ST7: variants seen among roughly 807,000 people sequenced by gnomAD.
The protein encoded by ST7 is suppressor of tumorigenicity 7 protein.
In ST7, 28 loss-of-function variants were observed where a neutral mutation model predicts 78.7. The observed-to-expected ratio is 0.36, with a 90% CI of 0.26 to 0.49. The LOEUF is 0.49. Ranked by LOEUF, ST7 falls within the 20% of genes least tolerant of loss-of-function variation. The pLI, the probability that ST7 is intolerant of heterozygous loss-of-function variation, is 0.99. For synonymous variants in ST7, 247 were observed against 249.6 expected (o/e 0.99, Z 0.10); for missense variants, 418 against 696.0 (o/e 0.60, Z 4.49).
chr7:117,142,102 G>A (rs1468930035), intron 9 of ST7, among the ~76,000 whole-genome samples: 5 of 151,976 alleles, frequency 3.3e-5, no homozygotes, highest in Admixed American at 1.3e-4. Flanking sequence ...TTTAATATAC[G>A]ATACAATTTC....
chr7:117,210,216 C>A (rs577394935), intron 13 of ST7, among the ~76,000 whole-genome samples: 52 of 152,330 alleles, frequency 3.4e-4, no homozygotes, highest in Non-Finnish European at 5.9e-4. Context: ...ACCCTGAAAA[C>A]CCTGTTTGGA....
At chr7:117,216,928 G>C (rs1482327682) in intron 13 of ST7, among the ~76,000 whole-genome samples, 1 of 152,068 alleles carries the variant, frequency 6.6e-6, no homozygotes, top group Non-Finnish European at 1.5e-5. Flanking sequence ...AAGTTGTATT[G>C]TGTCTCTAAC....
intron 9 of ST7, among the ~76,000 whole-genome samples, chr7:117,142,935 T>C (rs139026109): frequency 1.9e-3 from 285 of 152,206 alleles, no homozygotes; most frequent in African/African-American, 6.6e-3. Context: ...ATCCACTCTG[T>C]GTGTTAGGAG....
intron 1 of ST7, among the ~76,000 whole-genome samples, chr7:117,037,916 G>T (rs1366090805): frequency 6.6e-6 from 1 of 152,136 alleles, no homozygotes; most frequent in African/African-American, 2.4e-5. Flanking sequence ...GTTGATGATT[G>T]ATATCTTGAT....
At chr7:117,129,337 A>G (rs1804141795) in intron 3 of ST7, among the ~76,000 whole-genome samples, 2 of 151,926 alleles carry the variant, frequency 1.3e-5, no homozygotes, top group African/African-American at 4.8e-5. Flanking sequence ...TGTTAGCATG[A>G]ACCCAAATTA....
chr7:117,139,188 T>A (rs1343611589), intron 9 of ST7, among the ~76,000 whole-genome samples: 1 of 152,186 alleles, frequency 6.6e-6, no homozygotes. Flanking sequence ...GGGAAACCAG[T>A]TGGGGAACTT....
intron 15 of ST7, chr7:117,222,991 C>A: frequency 6.4e-7 from 1 of 1,569,376 alleles, no homozygotes; most frequent in Non-Finnish European, 8.8e-7. Context: ...ACTCATCACC[C>A]CTCTTCCCCC....
intron 1 of ST7, among the ~76,000 whole-genome samples, chr7:116,999,627 T>C (rs952316499): frequency 3.9e-5 from 6 of 152,128 alleles, no homozygotes; most frequent in Non-Finnish European, 8.8e-5. Context: ...GAAGATGATA[T>C]CTAGAAGGGA....
chr7:117,124,388 T>A (rs148410568), intron 3 of ST7, among the ~76,000 whole-genome samples: 50 of 152,266 alleles, frequency 3.3e-4, no homozygotes, highest in African/African-American at 1.2e-3. Flanking sequence ...TGAAGTAATC[T>A]GTCCAGGGTC....
intron 9 of ST7, among the ~76,000 whole-genome samples, chr7:117,170,453 C>T (rs1009674621): frequency 1.3e-5 from 2 of 152,064 alleles, no homozygotes; most frequent in African/African-American, 2.4e-5. Flanking sequence ...GAGGCCGAGG[C>T]GGGCAGATCA....
intron 15 of ST7, among the ~76,000 whole-genome samples, chr7:117,225,390 T>G (rs566176382): frequency 1.6e-4 from 25 of 152,230 alleles, no homozygotes; most frequent in Non-Finnish European, 2.8e-4. Flanking sequence ...AAGTTTGCAT[T>G]TCAACCTCTA....
intron 10 of ST7, among the ~76,000 whole-genome samples, chr7:117,178,017 C>A (rs1293460472): frequency 1.3e-5 from 2 of 152,140 alleles, no homozygotes; most frequent in African/African-American, 4.8e-5. Flanking sequence ...TTGTTTGGGT[C>A]ATGCTTCCAA....
intron 1 of ST7, among the ~76,000 whole-genome samples, chr7:117,012,355 A>G (rs1795423195): frequency 1.3e-5 from 2 of 151,574 alleles, no homozygotes; most frequent in Non-Finnish European, 2.9e-5. Context: ...GGTTAAGCAC[A>G]AGGATTCTGA....
rs549632149 is a variant in ST7 at position 117,056,658 on chromosome 7, A to T, written c.152-43104A>T. On this transcript the variant is annotated intron_variant, in intron 1 of 15. Transcript: ENST00000323984. ...TCAAAAATAAAAATAAAAATAAATT[A>T]AAAAAAATAAAGAAGATAAAATAGA... Among the ~76,000 whole-genome samples, 27 of 151,854 alleles carry T rather than the reference A, an allele frequency of 1.8e-4. No individual in the cohort carries two copies. In the South Asian group the frequency reaches 2.7e-3, roughly 15 times the overall value.
intron 12 of ST7, chr7:117,191,874 G>A (rs895057558): frequency 2.6e-5 from 4 of 152,054 alleles, no homozygotes; most frequent in Non-Finnish European, 4.4e-5. Flanking sequence ...AAGGGTGGGG[G>A]GGTATGAGTG....
intron 15 of ST7, chr7:117,223,635 A>G (rs1793258783): frequency 6.6e-6 from 1 of 152,600 alleles, no homozygotes; most frequent in Non-Finnish European, 1.5e-5. Flanking sequence ...CATCCACTCT[A>G]CTAATGCCTC....
chr7:117,138,591 G>A, intron 9 of ST7, 59 bp downstream of exon 9: 1 of 1,230,034 alleles, frequency 8.1e-7, no homozygotes, highest in South Asian at 1.3e-5. Context: ...CCGCTGAATG[G>A]CCATAGCAGT....
chr7:117,117,623 G>T (rs770717795), intron 2 of ST7, among the ~76,000 whole-genome samples: 7 of 152,146 alleles, frequency 4.6e-5, no homozygotes, highest in African/African-American at 1.7e-4. Context: ...TCTACCAACT[G>T]TCTAGTAACA....
At position 117,136,009 on chromosome 7, in the gene ST7, G is replaced by A. The variant is rs2117050723; in HGVS notation, c.711-72G>A. The A allele has an allele frequency of 5.2e-6, 8 of 1,537,290 alleles. No homozygotes were observed. In the South Asian group the frequency reaches 7.6e-5, roughly 15 times the overall value. On this transcript the variant is annotated intron_variant, in intron 7 of 15. Transcript: ENST00000323984. Reference sequence around the variant, plus strand: ...TTTTGGCGTAACTCCTTGCCTTTCTGCATGAGCTCCTACAGTCTATTACCA... The same window carrying A: ...TTTTGGCGTAACTCCTTGCCTTTCTACATGAGCTCCTACAGTCTATTACCA...
Sources: allele counts gnomAD v4.1 joint callset (sites outside exome capture counted in the v4.1 genomes callset), GRCh38; gene constraint gnomAD v4.1.1; transcripts MANE v1.5; gene names NCBI Gene and HGNC (gene_info 2026-07-23, HGNC 2026-07-21).